PSIP1: variants seen among roughly 807,000 people sequenced by gnomAD.
The protein encoded by PSIP1 is PC4 and SFRS1-interacting protein.
In PSIP1, 19 loss-of-function variants were observed where a neutral mutation model predicts 74.7. The ratio of observed to expected loss-of-function variants is 0.25; its 90% CI spans 0.18 to 0.37. PSIP1 has a LOEUF of 0.37. PSIP1 is among the 10% of genes least tolerant of loss of function. The pLI is 1.00. For missense variants in PSIP1, 601 were observed against 614.3 expected, an observed-to-expected ratio of 0.98 and a Z score of 0.23; for synonymous variants, 222 against 195.3, an observed-to-expected ratio of 1.14 and a Z score of -1.14.
chr9:15,474,736 C>A (rs1440034864), intron 8 of PSIP1, among the ~76,000 whole-genome samples: 1 of 152,176 alleles, frequency 6.6e-6, no homozygotes, highest in East Asian at 1.9e-4. Flanking sequence ...CTAATTACTG[C>A]TGCATATTTA....
chr9:15,508,415 A>C (rs1339894623), intron 2 of PSIP1, among the ~76,000 whole-genome samples: 1 of 152,240 alleles, frequency 6.6e-6, no homozygotes, highest in Non-Finnish European at 1.5e-5. Flanking sequence ...AATCCAAATG[A>C]ACTTGTTAAA....
chr9:15,472,560 A>C (rs1352061052), intron 10 of PSIP1, 72 bp downstream of exon 10: 1 of 1,519,734 alleles, frequency 6.6e-7, no homozygotes, highest in Non-Finnish European at 8.7e-7. Context: ...TGGAAAATGA[A>C]AGTCTATTAT....
At chr9:15,493,008 G>A (rs2132159507) in intron 3 of PSIP1, among the ~76,000 whole-genome samples, 1 of 152,294 alleles carries the variant, frequency 6.6e-6, no homozygotes, top group African/African-American at 2.4e-5. Flanking sequence ...GGGGCTGCCA[G>A]GAAGGTCACT....
rs541266639 is a variant in PSIP1, at chr9:15,491,325, T to C, written c.150-1201A>G. ...AATAAACAGACTGCAAAAAAGATACTTGCTTACAGTATGAGTGCTGAAAAA... is the reference window on the plus strand; with the variant it reads ...AATAAACAGACTGCAAAAAAGATACCTGCTTACAGTATGAGTGCTGAAAAA... On this transcript the variant is annotated intron_variant, in intron 3 of 15. Transcript: ENST00000380733. 2.6e-5 allele frequency among the ~76,000 whole-genome samples: 4 copies of C among 152,298 alleles called. No individual in the cohort carries two copies. In the East Asian group the frequency reaches 5.8e-4, roughly 22 times the overall value.
intron 3 of PSIP1, among the ~76,000 whole-genome samples, chr9:15,496,919 T>C (rs536807435): frequency 3.3e-5 from 5 of 152,140 alleles, no homozygotes; most frequent in East Asian, 1.9e-4. Flanking sequence ...TAACAAATAA[T>C]AACAAGTGTT....
Position 15,465,430 on chromosome 9 carries a change from C to T in PSIP1, c.*90G>A. 1 of 1,173,264 alleles carries T rather than the reference C, an allele frequency of 8.5e-7. No homozygotes were observed. Among genetic ancestry groups the T allele is most frequent in the Admixed American group, 2.4e-5 (1 of 41,270 alleles). 72.7% of individuals were successfully genotyped at this position (1,173,264 alleles called of 1,614,324 possible). Reference sequence around the variant, plus strand: ...ACAAGTTTTCAACATCAAACCTATGCTTATAAAAATTTAAAACTTTCAGCA... The same window carrying T: ...ACAAGTTTTCAACATCAAACCTATGTTTATAAAAATTTAAAACTTTCAGCA... On this transcript the variant is annotated 3_prime_UTR_variant, in exon 16 of 16. Transcript: ENST00000380733.
In PSIP1 at chr9:15,478,579, GTAAC is replaced by G. The variant is rs748374284; in HGVS notation, c.554-31_554-28del. The G allele has an allele frequency of 3.1e-5, 43 of 1,386,614 alleles. No individual in the cohort carries two copies. In the East Asian group the frequency reaches 3.4e-4, roughly 11 times the overall value. 85.9% of individuals were successfully genotyped at this position (1,386,614 alleles called of 1,614,324 possible). ...TAATATACACATGGAAAAAAAATCA[GTAAC>G]TACTAGTTTCTATTTAAGATACAAA... is the stretch of plus-strand genomic sequence containing the variant. On this transcript the variant is annotated intron_variant, in intron 7 of 15. Coordinates refer to ENST00000380733, the MANE Select transcript of PSIP1 (RefSeq NM_033222.5).
At chr9:15,501,440 C>A in intron 3 of PSIP1, among the ~76,000 whole-genome samples, 1 of 151,100 alleles carries the variant, frequency 6.6e-6, no homozygotes, top group African/African-American at 2.4e-5. Flanking sequence ...AAAATAAACA[C>A]GAGGAGGAGG....
intron 2 of PSIP1, among the ~76,000 whole-genome samples, chr9:15,507,933 C>T (rs917780046): frequency 6.6e-6 from 1 of 152,204 alleles, no homozygotes; most frequent in African/African-American, 2.4e-5. Flanking sequence ...CACCTGTTAT[C>T]TCAACTTTGT....
At chr9:15,481,186 CT>C (rs2036320538) in intron 6 of PSIP1, among the ~76,000 whole-genome samples, 1 of 152,186 alleles carries the variant, frequency 6.6e-6, no homozygotes, top group Non-Finnish European at 1.5e-5. Context: ...GATTCAATAG[CT>C]CTGAGTCAGG....
intron 5 of PSIP1, among the ~76,000 whole-genome samples, chr9:15,486,527 A>C (rs2036562282): frequency 6.6e-6 from 1 of 152,172 alleles, no homozygotes; most frequent in Non-Finnish European, 1.5e-5. Flanking sequence ...TTTCCAGTAC[A>C]TCCATCCTAC....
At chr9:15,500,395 G>A (rs1397790877) in intron 3 of PSIP1, among the ~76,000 whole-genome samples, 4 of 152,068 alleles carry the variant, frequency 2.6e-5, no homozygotes, top group South Asian at 2.1e-4. Context: ...AACCCAGGAG[G>A]CAGACCTTGC....
intron 7 of PSIP1, 82 bp from the exon 8 acceptor site, chr9:15,478,634 T>C: frequency 1.0e-6 from 1 of 952,742 alleles, no homozygotes; most frequent in Non-Finnish European, 1.7e-6. Context: ...TTAGAAATGA[T>C]ACATACTATT....
At chr9:15,473,039 T>C (rs1006988379) in intron 9 of PSIP1, among the ~76,000 whole-genome samples, 1 of 152,168 alleles carries the variant, frequency 6.6e-6, no homozygotes, top group Non-Finnish European at 1.5e-5. Context: ...TTGACTTGAG[T>C]ACTGACAAGC....
In PSIP1 at chr9:15,468,861, A is replaced by G. The variant is rs957992905; in HGVS notation, c.1207-18T>C. On this transcript the variant is annotated intron_variant, in intron 13 of 15. Transcript: ENST00000380733. ...CGCCGTATCTGAGAAAACAATATACATTCATCATAATTGTTTTCCTAATTG... is the reference window on the plus strand; with the variant it reads ...CGCCGTATCTGAGAAAACAATATACGTTCATCATAATTGTTTTCCTAATTG... 5 of 1,607,808 alleles carry G rather than the reference A, an allele frequency of 3.1e-6. No homozygotes were observed. Among genetic ancestry groups the G allele is most frequent in the Admixed American group, 1.7e-5 (1 of 59,802 alleles).
chr9:15,490,378 T>A (rs762263294), intron 3 of PSIP1, among the ~76,000 whole-genome samples: 9 of 152,116 alleles, frequency 5.9e-5, no homozygotes, highest in Non-Finnish European at 1.2e-4. Context: ...ACTGCTGAAC[T>A]ATACACTTAA....
rs1586869074 is a variant in PSIP1, at chr9:15,506,308, A to G, written c.149+253T>C. 2.4e-5 allele frequency: 8 copies of G among 340,344 alleles called. No homozygotes were observed. In the East Asian group the frequency reaches 2.9e-4, roughly 12 times the overall value. 21.1% of individuals were successfully genotyped at this position (340,344 alleles called of 1,614,324 possible). A position where few individuals can be genotyped will look rare whatever the true frequency, so the allele number is the denominator to read the frequency against. On this transcript the variant is annotated intron_variant, in intron 3 of 15. Transcript: ENST00000380733. ...ATTAAAACTTTCCTTATGTATTTTCATCCATCAATCATTCTTATTGCTCAG... is the reference window on the plus strand; with the variant it reads ...ATTAAAACTTTCCTTATGTATTTTCGTCCATCAATCATTCTTATTGCTCAG...
At chr9:15,503,907 A>C (rs7018658) in intron 3 of PSIP1, among the ~76,000 whole-genome samples, 36,337 of 151,884 alleles carry the variant, frequency 0.24, 7,383 homozygotes, top group African/African-American at 0.56. Context: ...CTACCATGCC[A>C]GGCTAATTTT....
rs1388025989 is a variant in PSIP1 at position 15,480,749 on chromosome 9, C to G, written c.457-1062G>C. Among the ~76,000 whole-genome samples, 3 of 152,156 alleles carry G rather than the reference C, an allele frequency of 2.0e-5. No individual in the cohort carries two copies. In the East Asian group the frequency reaches 5.8e-4, roughly 29 times the overall value. ...CCAGCCTGGCCAACACGATGAAACC[C>G]TTTCTCTACTAAAAACAAAAGATTA... On this transcript the variant is annotated intron_variant, in intron 6 of 15. Coordinates refer to ENST00000380733, the MANE Select transcript of PSIP1 (RefSeq NM_033222.5).
Sources: allele counts gnomAD v4.1 joint callset (sites outside exome capture counted in the v4.1 genomes callset), GRCh38; gene constraint gnomAD v4.1.1; transcripts MANE v1.5; gene names NCBI Gene and HGNC (gene_info 2026-07-23, HGNC 2026-07-21).